The following PBX1 variants were observed in gnomAD, a reference collection of about 807,000 sequenced individuals.
PBX1 encodes the protein PBX homeobox 1.
Under a neutral mutation model 53.4 loss-of-function variants are expected in PBX1, and 6 were observed. The observed-to-expected ratio is 0.11, with a 90% confidence interval of 0.06 to 0.22. The LOEUF is 0.22. Among genes scored for constraint, PBX1 ranks in the 10% least tolerant of loss-of-function variants. PBX1 has a pLI of 1.00. For missense variants in PBX1, 251 were observed against 551.4 expected, an observed-to-expected ratio of 0.46 and a Z score of 5.46; for synonymous variants, 204 against 212.3, an observed-to-expected ratio of 0.96 and a Z score of 0.34.
intron 3 of PBX1, among the ~76,000 whole-genome samples, chr1:164,794,630 G>T (rs1392319928): frequency 6.6e-6 from 1 of 152,202 alleles, no homozygotes; most frequent in Non-Finnish European, 1.5e-5. Context: ...AACTGTGACA[G>T]TTTCCCCAAC....
chr1:164,633,133 C>T (rs1264803075), intron 2 of PBX1, among the ~76,000 whole-genome samples: 1 of 151,948 alleles, frequency 6.6e-6, no homozygotes, highest in Non-Finnish European at 1.5e-5. Context: ...TCTTCACAAC[C>T]ATCTCTCCTC....
At chr1:164,794,219 AG>A (rs1668676424) in intron 3 of PBX1, among the ~76,000 whole-genome samples, 1 of 152,230 alleles carries the variant, frequency 6.6e-6, no homozygotes, top group Non-Finnish European at 1.5e-5. Context: ...AAAAAGTGGA[AG>A]GTAGAAGACC....
At chr1:164,864,619 G>A (rs912745607) in intron 2 of PBX1, among the ~76,000 whole-genome samples, 3 of 152,118 alleles carry the variant, frequency 2.0e-5, no homozygotes, top group Non-Finnish European at 4.4e-5. Flanking sequence ...GGGGAGGGAA[G>A]GGTGAGGGGT....
chr1:164,661,615 C>T (rs558526313), intron 2 of PBX1, among the ~76,000 whole-genome samples: 9 of 151,950 alleles, frequency 5.9e-5, no homozygotes, highest in East Asian at 5.9e-4. Flanking sequence ...TTAGTAGAGA[C>T]GGGGTTTCAC....
At chr1:164,854,606 C>G (rs1349760397), downstream of PBX1, among the ~76,000 whole-genome samples, 1 of 151,936 alleles carries the variant, frequency 6.6e-6, no homozygotes, top group Non-Finnish European at 1.5e-5. Context: ...TTTTGCTGAC[C>G]ACCGAGGCCA....
At chr1:164,764,227 A>G (rs1666945187) in intron 2 of PBX1, among the ~76,000 whole-genome samples, 1 of 152,232 alleles carries the variant, frequency 6.6e-6, no homozygotes, top group Non-Finnish European at 1.5e-5. Flanking sequence ...TAGGAGTTAC[A>G]ATACACACAC....
chr1:164,772,737 A>T (rs1197890936), intron 2 of PBX1, among the ~76,000 whole-genome samples: 1 of 152,170 alleles, frequency 6.6e-6, no homozygotes, highest in Non-Finnish European at 1.5e-5. Flanking sequence ...GTCTGAAAGG[A>T]TAGTTGGGTG....
At chr1:164,780,286 G>A (rs1227150274) in intron 2 of PBX1, among the ~76,000 whole-genome samples, 1 of 152,190 alleles carries the variant, frequency 6.6e-6, no homozygotes, top group African/African-American at 2.4e-5. Flanking sequence ...ATCTGCTCCA[G>A]TGCTGCTTCC....
chr1:164,690,170 C>T (rs1203972141), intron 2 of PBX1, among the ~76,000 whole-genome samples: 1 of 152,138 alleles, frequency 6.6e-6, no homozygotes, highest in Non-Finnish European at 1.5e-5. Flanking sequence ...TCTCGCTCTC[C>T]AGTGTCTGGA....
At chr1:164,840,334 G>A (rs1268040756) in intron 8 of PBX1, among the ~76,000 whole-genome samples, 1 of 147,024 alleles carries the variant, frequency 6.8e-6, no homozygotes, top group Non-Finnish European at 1.5e-5. Context: ...AATACTACAT[G>A]GGATATACTT....
rs1000239210 is a variant in PBX1 at position 164,672,913 on chromosome 1, TTCC to T, written c.265+109607_265+109609del. On this transcript the variant is annotated intron_variant, in intron 2 of 8. Transcript: ENST00000420696. The stretch of plus-strand genomic sequence containing the variant: ...AAGGCAGGAGTGAGATGTCATCCTT[TTCC>T]TCCTTTCTTTTTTTTGTTTTCTTTT... Among the ~76,000 whole-genome samples the T allele has an allele frequency of 2.6e-4, 39 of 152,318 alleles. 1 individual carries two copies. The highest frequency in any genetic ancestry group is 9.4e-4 in the African/African-American group (39 of 41,572).
At chr1:164,855,114 G>A (rs148484860), downstream of PBX1, among the ~76,000 whole-genome samples, 40 of 151,948 alleles carry the variant, frequency 2.6e-4, no homozygotes, top group African/African-American at 8.2e-4. Flanking sequence ...CCCGGCTAAT[G>A]TTTGTATTTT....
chr1:164,761,766 C>A (rs897449673), intron 2 of PBX1, among the ~76,000 whole-genome samples: 1 of 152,204 alleles, frequency 6.6e-6, no homozygotes, highest in Admixed American at 6.5e-5. Flanking sequence ...TTCTTATGGT[C>A]ATTTTAGCAA....
At chr1:164,814,238 T>A (rs185850218) in intron 6 of PBX1, 1 of 152,326 alleles carries the variant, frequency 6.6e-6, no homozygotes, top group Admixed American at 6.5e-5. Context: ...AAGGTGTTTA[T>A]TATGTTATGT....
At chr1:164,605,782 G>A (rs1473137541) in intron 2 of PBX1, among the ~76,000 whole-genome samples, 1 of 152,152 alleles carries the variant, frequency 6.6e-6, no homozygotes, top group Non-Finnish European at 1.5e-5. Context: ...CTTTTAAAAG[G>A]CTTTATAAAG....
intron 2 of PBX1, among the ~76,000 whole-genome samples, chr1:164,881,038 C>T (rs1672634080): frequency 6.6e-6 from 1 of 152,154 alleles, no homozygotes; most frequent in African/African-American, 2.4e-5. Flanking sequence ...GCTCATGCTC[C>T]CAGTGCTCTC....
intron 2 of PBX1, among the ~76,000 whole-genome samples, chr1:164,676,183 C>T (rs1277198626): frequency 6.6e-6 from 1 of 152,096 alleles, no homozygotes; most frequent in Admixed American, 6.5e-5. Flanking sequence ...CTGGGATGAC[C>T]TGGGGACTCC....
At chr1:164,685,711 A>C (rs1438837851) in intron 2 of PBX1, among the ~76,000 whole-genome samples, 1 of 152,206 alleles carries the variant, frequency 6.6e-6, no homozygotes, top group Non-Finnish European at 1.5e-5. Context: ...GAGGGTAGGC[A>C]TTTCCCCTTT....
chr1:164,702,936 T>C (rs542044682), intron 2 of PBX1: 4 of 152,272 alleles, frequency 2.6e-5, no homozygotes, highest in African/African-American at 7.2e-5. Context: ...AATTAACTTA[T>C]GGTGCCAGCT....
Sources: allele counts gnomAD v4.1 joint callset (sites outside exome capture counted in the v4.1 genomes callset), GRCh38; gene constraint gnomAD v4.1.1; transcripts MANE v1.5; gene names NCBI Gene and HGNC (gene_info 2026-07-23, HGNC 2026-07-21).